The following PML variants were observed in gnomAD, a reference collection of about 807,000 sequenced individuals.
PML encodes the protein protein PML.
In PML, 28 loss-of-function variants were observed where a neutral mutation model predicts 65.2. That is an observed-to-expected ratio of 0.43 (90% CI 0.32 to 0.59). The LOEUF is 0.59. PML is among the 20% of genes least tolerant of loss of function. The pLI, the probability that PML is intolerant of heterozygous loss-of-function variation, is 0.08. For synonymous variants in PML, 500 were observed against 508.8 expected, an observed-to-expected ratio of 0.98 and a Z score of 0.23; for missense variants, 1,021 against 1,203.4, an observed-to-expected ratio of 0.85 and a Z score of 2.24.
intron 6 of PML, chr15:74,034,052 A>C: frequency 2.9e-6 from 1 of 348,722 alleles, no homozygotes; most frequent in South Asian, 2.7e-5. Context: ...CCTTACCCAC[A>C]AATGCTATTG....
At chr15:74,040,544 G>C (rs535251565) in intron 7 of PML, among the ~76,000 whole-genome samples, 9 of 152,316 alleles carry the variant, frequency 5.9e-5, no homozygotes, top group Middle Eastern at 3.4e-3. Context: ...TCTGCACCAG[G>C]CCACTATGTC....
intron 2 of PML, among the ~76,000 whole-genome samples, chr15:74,013,324 T>A (rs1156300914): frequency 6.6e-6 from 1 of 152,176 alleles, no homozygotes; most frequent in Non-Finnish European, 1.5e-5. Context: ...CTACTACCAT[T>A]TAGGGTGGGG....
chr15:74,013,969 T>C (rs538996113), intron 2 of PML, among the ~76,000 whole-genome samples: 1 of 152,326 alleles, frequency 6.6e-6, no homozygotes, highest in African/African-American at 2.4e-5. Context: ...CATGATGTAC[T>C]TTGTTCCAAA....
At chr15:74,017,105 G>A (rs949375459) in intron 2 of PML, among the ~76,000 whole-genome samples, 5 of 151,968 alleles carry the variant, frequency 3.3e-5, no homozygotes, top group African/African-American at 7.2e-5. Flanking sequence ...CCGGGCAGTG[G>A]CATCTATTGA....
chr15:74,010,077 G>C (rs8027774), intron 2 of PML, among the ~76,000 whole-genome samples: 1 of 151,368 alleles, frequency 6.6e-6, no homozygotes, highest in African/African-American at 2.4e-5. Context: ...TGCAGTGTGC[G>C]ATTATAGCTT....
In PML at chr15:74,010,120, C is replaced by T. The variant is rs530981817; in HGVS notation, c.602+11644C>T. Among the ~76,000 whole-genome samples, 10 of 151,454 alleles carry T rather than the reference C, an allele frequency of 6.6e-5. No homozygotes were observed. The East Asian group carries it at 1.6e-3, about 24-fold the overall frequency. ...CCTTGACCTCCCAGGCCCAAGTTAT[C>T]CTCCCACCTCAGACCCCCAAGTATA... On this transcript the variant is annotated intron_variant, in intron 2 of 8. Transcript: ENST00000268058.
chr15:73,999,596 G>T (rs974750197), intron 2 of PML, among the ~76,000 whole-genome samples: 7 of 152,082 alleles, frequency 4.6e-5, no homozygotes, highest in Non-Finnish European at 8.8e-5. Context: ...TTTGCGAGTG[G>T]CCTGTTTAGG....
rs540226019 is a variant in PML, at chr15:74,043,851, G to A, written c.1862-370G>A. The stretch of plus-strand genomic sequence containing the variant: ...GGGTCCTTGAGGGGATTGGAGGAAG[G>A]AGCATGGGATGGAGAGCTAAGTTCA... On this transcript the variant is annotated intron_variant, in intron 8 of 8. Transcript: ENST00000268058. This position sits in a 1 kb window ranked among gnomAD's most constrained non-coding sequence, Gnocchi z 4.3. 28 of 523,196 alleles carry A rather than the reference G, an allele frequency of 5.4e-5. No individual in the cohort carries two copies. The highest frequency in any genetic ancestry group is 1.1e-4 in the African/African-American group (6 of 52,364). 32.4% of individuals were successfully genotyped at this position (523,196 alleles called of 1,614,324 possible).
intron 4 of PML, among the ~76,000 whole-genome samples, chr15:74,030,755 G>A (rs763216132): frequency 9.9e-5 from 15 of 151,922 alleles, no homozygotes; most frequent in Non-Finnish European, 1.0e-4. Flanking sequence ...CTCTGCCTCC[G>A]TTTCCTTCTC....
At chr15:74,026,697 C>G (rs921278601) in intron 4 of PML, 5 of 152,200 alleles carry the variant, frequency 3.3e-5, no homozygotes, top group African/African-American at 1.2e-4. Flanking sequence ...GTCACCCAGG[C>G]TGGAGTGCAG....
chr15:74,012,664 C>T (rs1241601662), intron 2 of PML, among the ~76,000 whole-genome samples: 2 of 152,180 alleles, frequency 1.3e-5, no homozygotes, highest in African/African-American at 4.8e-5. Context: ...GTAACTGAGT[C>T]TCTGCAATGA....
At chr15:74,006,143 C>A (rs1298750102) in intron 2 of PML, among the ~76,000 whole-genome samples, 1 of 152,146 alleles carries the variant, frequency 6.6e-6, no homozygotes, top group Non-Finnish European at 1.5e-5. Flanking sequence ...GTAGGCCCAG[C>A]GCTTTGGGAG....
rs2071744577 is a variant in PML, at chr15:74,044,216, C to T, written c.1862-5C>T. On this transcript the variant is annotated splice_polypyrimidine_tract_variant and splice_region_variant and intron_variant, in intron 8 of 8. Coordinates refer to ENST00000268058, the MANE Select transcript of PML (RefSeq NM_033238.3). The stretch of plus-strand genomic sequence containing the variant: ...GTCCTCACCCTGCCCTTCTCTCCTG[C>T]CCAGCCCAGAAGATTAGCCAGCTGG... The T allele has an allele frequency of 1.2e-6, 2 of 1,613,676 alleles. No individual in the cohort carries two copies. Among genetic ancestry groups the T allele is most frequent in the Non-Finnish European group, 1.7e-6 (2 of 1,179,988 alleles).
chr15:74,012,737 T>C (rs1389055678), intron 2 of PML, among the ~76,000 whole-genome samples: 1 of 152,260 alleles, frequency 6.6e-6, no homozygotes, highest in Admixed American at 6.5e-5. Context: ...GACTGTAAGG[T>C]TCACCACTGG....
intron 4 of PML, chr15:74,031,328 G>T (rs778650171): frequency 2.9e-5 from 12 of 420,890 alleles, no homozygotes; most frequent in Admixed American, 1.0e-4. Context: ...AGGCTGGAGT[G>T]CAGTGACACA....
At chr15:74,016,400 TCTGAAAAAAAAATTAACAGTGTGG>T (rs2141806525) in intron 2 of PML, among the ~76,000 whole-genome samples, 1 of 152,058 alleles carries the variant, frequency 6.6e-6, no homozygotes, top group South Asian at 2.1e-4. Context: ...AGACCCTGTC[TCTGAAAAAAAAATTAACAGTGTGG>T]CTATTTCACT....
chr15:74,003,208 C>T (rs563977062), intron 2 of PML, among the ~76,000 whole-genome samples: 69 of 152,022 alleles, frequency 4.5e-4, no homozygotes, highest in African/African-American at 1.5e-3. Context: ...CTGAGGCAGG[C>T]GGATCATGAG....
chr15:74,014,679 T>C (rs1201523456), intron 2 of PML, among the ~76,000 whole-genome samples: 1 of 151,406 alleles, frequency 6.6e-6, no homozygotes, highest in African/African-American at 2.4e-5. Flanking sequence ...GGAGAATCAC[T>C]TGAACCTGGA....
chr15:74,039,724 C>T (rs2071654112), intron 7 of PML, among the ~76,000 whole-genome samples: 2 of 152,196 alleles, frequency 1.3e-5, no homozygotes, highest in African/African-American at 2.4e-5. Flanking sequence ...AATGCCTAAC[C>T]AAAGTCAAGA....
Sources: gnomAD v4.1 joint callset for allele counts (sites outside exome capture counted in the v4.1 genomes callset) on GRCh38, gnomAD v4.1.1 for gene constraint, Gnocchi (gnomAD v3.1) non-coding constraint, MANE v1.5 for transcripts, NCBI Gene and HGNC (gene_info 2026-07-23, HGNC 2026-07-21) for gene names.